The following RBFOX1 variants were observed in gnomAD, a reference collection of about 807,000 sequenced individuals.
The protein encoded by RBFOX1 is RNA binding fox-1 homolog 1.
A neutral mutation model predicts 57.7 loss-of-function variants in RBFOX1; 8 were observed. That is an observed-to-expected ratio of 0.14 (90% CI 0.08 to 0.25). RBFOX1 has a LOEUF of 0.25. Ranked by LOEUF, RBFOX1 falls within the 10% of genes least tolerant of loss-of-function variation. RBFOX1 has a pLI of 1.00. For missense variants in RBFOX1, 611 were observed against 548.5 expected, an observed-to-expected ratio of 1.11 and a Z score of -1.14; for synonymous variants, 326 against 222.4, an observed-to-expected ratio of 1.47 and a Z score of -4.15.
At chr16:6,079,739 G>C (rs1238071773) in intron 1 of RBFOX1, among the ~76,000 whole-genome samples, 2 of 152,176 alleles carry the variant, frequency 1.3e-5, no homozygotes, top group Non-Finnish European at 2.9e-5. Flanking sequence ...AGAAGGCTGA[G>C]ATGGGAGGAT....
At chr16:6,137,116 T>C (rs1001081779) in intron 1 of RBFOX1, among the ~76,000 whole-genome samples, 2 of 152,302 alleles carry the variant, frequency 1.3e-5, no homozygotes, top group African/African-American at 2.4e-5. Context: ...ATCACATCAA[T>C]AGGTGATTAT....
chr16:5,845,135 A>G (rs184524901), intron 3 of RBFOX1, among the ~76,000 whole-genome samples: 29 of 150,796 alleles, frequency 1.9e-4, no homozygotes, highest in Non-Finnish European at 8.8e-5. Flanking sequence ...CAAATCCCTT[A>G]AGCTTTAATT....
chr16:5,550,693 T>C (rs575068273), intron 2 of RBFOX1, among the ~76,000 whole-genome samples: 1 of 152,314 alleles, frequency 6.6e-6, no homozygotes, highest in African/African-American at 2.4e-5. Flanking sequence ...AAGCTCCCTG[T>C]CCCTGTGGCA....
At chr16:6,696,659 C>G (rs971705115) in intron 3 of RBFOX1, among the ~76,000 whole-genome samples, 4 of 151,568 alleles carry the variant, frequency 2.6e-5, no homozygotes, top group African/African-American at 7.3e-5. Context: ...GTACAGTCTC[C>G]TTCAGATATG....
intron 1 of RBFOX1, among the ~76,000 whole-genome samples, chr16:5,419,081 G>C (rs545149867): frequency 1.3e-5 from 2 of 152,320 alleles, no homozygotes; most frequent in South Asian, 4.1e-4. Flanking sequence ...GCTTACCTGA[G>C]CCCAGTGGGT....
At chr16:6,570,903 T>C (rs2097335691) in intron 2 of RBFOX1, among the ~76,000 whole-genome samples, 5 of 152,196 alleles carry the variant, frequency 3.3e-5, no homozygotes, top group Admixed American at 3.3e-4. Context: ...AAATTTGAAA[T>C]CTTGCAGGGC....
intron 7 of RBFOX1, among the ~76,000 whole-genome samples, chr16:7,592,708 T>TG (rs1277075955): frequency 6.6e-6 from 1 of 152,218 alleles, no homozygotes; most frequent in African/African-American, 2.4e-5. Flanking sequence ...CCAAGAAGCC[T>TG]GGGACATGTG....
At chr16:7,397,711 A>G (rs985112020) in intron 4 of RBFOX1, among the ~76,000 whole-genome samples, 5 of 152,164 alleles carry the variant, frequency 3.3e-5, no homozygotes, top group African/African-American at 1.2e-4. Context: ...GCCCTCTGGA[A>G]TGATTTTGAC....
At chr16:5,641,112 AC>A (rs1567334933) in intron 3 of RBFOX1, among the ~76,000 whole-genome samples, 3 of 149,724 alleles carry the variant, frequency 2.0e-5, no homozygotes, top group African/African-American at 7.6e-5. Context: ...ACATGCATAC[AC>A]ACACATGCAT....
intron 3 of RBFOX1, among the ~76,000 whole-genome samples, chr16:5,709,379 A>C (rs1410691994): frequency 6.6e-6 from 1 of 152,192 alleles, no homozygotes; most frequent in Non-Finnish European, 1.5e-5. Flanking sequence ...ATATGACCTA[A>C]TTGAAATGAA....
intron 3 of RBFOX1, among the ~76,000 whole-genome samples, chr16:6,923,534 A>AAAAT (rs370912503): frequency 6.6e-6 from 1 of 152,132 alleles, no homozygotes; most frequent in Non-Finnish European, 1.5e-5. Flanking sequence ...CTCCATCTCA[A>AAAAT]AAATAAATAA....
At chr16:5,541,827 A>T (rs2044965437) in intron 2 of RBFOX1, among the ~76,000 whole-genome samples, 1 of 152,326 alleles carries the variant, frequency 6.6e-6, no homozygotes, top group South Asian at 2.1e-4. Flanking sequence ...AGGATTGGTT[A>T]TTCCTCTCTT....
chr16:5,315,674 A>G (rs2064217303), intron 1 of RBFOX1, among the ~76,000 whole-genome samples: 1 of 152,192 alleles, frequency 6.6e-6, no homozygotes, highest in Non-Finnish European at 1.5e-5. Context: ...AAGCCATTTT[A>G]AATTTGCTTT....
intron 4 of RBFOX1, among the ~76,000 whole-genome samples, chr16:5,912,775 T>C (rs1333194194): frequency 1.3e-5 from 2 of 152,168 alleles, no homozygotes; most frequent in African/African-American, 2.4e-5. Context: ...GTGAAATAAT[T>C]AGAGGCGGCA....
chr16:6,768,769 G>A (rs1476604659), intron 3 of RBFOX1, among the ~76,000 whole-genome samples: 8 of 144,204 alleles, frequency 5.5e-5, no homozygotes, highest in South Asian at 2.2e-4. Context: ...TTGCTTTGTC[G>A]CCAGGTTGGA....
chr16:6,898,297 C>G (rs1309046790), intron 3 of RBFOX1, among the ~76,000 whole-genome samples: 2 of 152,102 alleles, frequency 1.3e-5, no homozygotes, highest in Admixed American at 6.6e-5. Context: ...CCCTGCCCCT[C>G]CACGACCTCT....
intron 2 of RBFOX1, among the ~76,000 whole-genome samples, chr16:6,522,795 C>T (rs1204388975): frequency 1.3e-5 from 2 of 152,186 alleles, no homozygotes; most frequent in Non-Finnish European, 2.9e-5. Context: ...GATAATGCAA[C>T]CCAAACCTTT....
rs182592119 is a variant in RBFOX1 at position 6,902,780 on chromosome 16, T to C, written c.-15-149277T>C. ...AGTTTTAAAGGAACCCTTCAACTCA[T>C]CATGTCATCAGAACCAAATAAAGCT... On this transcript the variant is annotated intron_variant, in intron 3 of 15. Transcript: ENST00000550418. Among the ~76,000 whole-genome samples the C allele has an allele frequency of 2.0e-5, 3 of 152,124 alleles. No homozygotes were observed. The East Asian group carries it at 5.8e-4, about 29-fold the overall frequency.
chr16:6,788,506 T>C (rs2082346357), intron 3 of RBFOX1, among the ~76,000 whole-genome samples: 1 of 151,834 alleles, frequency 6.6e-6, no homozygotes, highest in Non-Finnish European at 1.5e-5. Flanking sequence ...CAGAGTCTCT[T>C]GCTCTGTCGC....
Sources: gnomAD v4.1 joint callset for allele counts (sites outside exome capture counted in the v4.1 genomes callset) on GRCh38, gnomAD v4.1.1 for gene constraint, MANE v1.5 for transcripts, NCBI Gene and HGNC (gene_info 2026-07-23, HGNC 2026-07-21) for gene names.